Variants in MTHFD2L observed in about 807,000 individuals in gnomAD.
MTHFD2L encodes bifunctional methylenetetrahydrofolate dehydrogenase/cyclohydrolase 2, mitochondrial.
Under a neutral mutation model 34.9 loss-of-function variants are expected in MTHFD2L, and 29 were observed. The observed-to-expected ratio is 0.83, with a 90% CI of 0.62 to 1.13. The LOEUF (loss-of-function observed/expected upper bound fraction) is 1.13, where lower values mean the gene tolerates loss of function less well. Ranked by LOEUF, MTHFD2L falls within the 50% of genes most tolerant of loss-of-function variation. The pLI is 0.00. For missense variants in MTHFD2L, 481 were observed against 446.5 expected (o/e 1.08, Z -0.70); for synonymous variants, 167 against 155.7 (o/e 1.07, Z -0.54).
chr4:74,299,723 G>T (rs1750056413), intron 7 of MTHFD2L, among the ~76,000 whole-genome samples: 2 of 152,104 alleles, frequency 1.3e-5, no homozygotes, highest in Admixed American at 1.3e-4. Context: ...TCTGCTTAGT[G>T]CCTAACCTGT....
rs115929021 is a variant in MTHFD2L at position 74,300,363 on chromosome 4, A to T, written c.932-1334A>T. On this transcript the variant is annotated intron_variant, in intron 7 of 7. Coordinates refer to ENST00000325278, the MANE Select transcript of MTHFD2L (RefSeq NM_001144978.3). ...ATTATTCCAATGTACTATTCACTTC[A>T]AATAAAGTAAAGGTAAATCCCACAA... Among the ~76,000 whole-genome samples, 1,439 of 152,060 alleles carry T rather than the reference A, an allele frequency of 9.5e-3. 27 individuals carry two copies. Among genetic ancestry groups the T allele is most frequent in the African/African-American group, 0.033 (1,363 of 41,518 alleles).
chr4:74,140,094 T>A (rs1055137417), intron 1 of MTHFD2L, among the ~76,000 whole-genome samples: 1 of 151,958 alleles, frequency 6.6e-6, no homozygotes, highest in African/African-American at 2.4e-5. Context: ...GGTGGGTGGA[T>A]GGATTGAGCT....
chr4:74,207,638 TG>T (rs1436234747), intron 5 of MTHFD2L, among the ~76,000 whole-genome samples: 1 of 152,204 alleles, frequency 6.6e-6, no homozygotes, highest in Non-Finnish European at 1.5e-5. Context: ...GCTGTGCTGC[TG>T]CAGCAACTTA....
intron 5 of MTHFD2L, among the ~76,000 whole-genome samples, chr4:74,203,682 A>C (rs1372417073): frequency 6.6e-6 from 1 of 152,148 alleles, no homozygotes; most frequent in Non-Finnish European, 1.5e-5. Context: ...TGTTGCAACA[A>C]TAGCACCAAG....
At chr4:74,281,611 T>A in intron 7 of MTHFD2L, 61 bp downstream of exon 7, 1 of 1,499,882 alleles carries the variant, frequency 6.7e-7, no homozygotes. Flanking sequence ...TTACGTATTT[T>A]AAAAATAGAG....
chr4:74,255,604 C>T (rs1425504145), intron 6 of MTHFD2L, among the ~76,000 whole-genome samples: 1 of 152,112 alleles, frequency 6.6e-6, no homozygotes, highest in African/African-American at 2.4e-5. Flanking sequence ...AGCTAGTGAG[C>T]ATAGTACCAA....
chr4:74,205,954 A>G (rs916066418), intron 5 of MTHFD2L, among the ~76,000 whole-genome samples: 2 of 152,130 alleles, frequency 1.3e-5, no homozygotes, highest in Non-Finnish European at 2.9e-5. Context: ...ACTCATGGCT[A>G]ATTGAGGTGA....
At chr4:74,227,809 T>C (rs1213146550) in intron 6 of MTHFD2L, among the ~76,000 whole-genome samples, 1 of 152,196 alleles carries the variant, frequency 6.6e-6, no homozygotes, top group Non-Finnish European at 1.5e-5. Context: ...AGACCTCATG[T>C]CTGCAGTTGT....
chr4:74,196,967 A>T (rs1170491436), intron 3 of MTHFD2L, among the ~76,000 whole-genome samples: 3 of 151,232 alleles, frequency 2.0e-5, no homozygotes, highest in Non-Finnish European at 4.4e-5. Flanking sequence ...AAAAAAACCC[A>T]TACAAAACAT....
chr4:74,137,668 C>T (rs565036207), intron 1 of MTHFD2L, among the ~76,000 whole-genome samples: 24 of 152,286 alleles, frequency 1.6e-4, no homozygotes, highest in African/African-American at 5.8e-4. Flanking sequence ...ATGTTTACTG[C>T]TGCATTATTC....
At chr4:74,286,296 T>C (rs370423355) in intron 7 of MTHFD2L, among the ~76,000 whole-genome samples, 1 of 152,318 alleles carries the variant, frequency 6.6e-6, no homozygotes, top group East Asian at 1.9e-4. Context: ...TTACTAATAA[T>C]CATGCAGCAA....
chr4:74,299,190 AATTTTGAAATAAATC>A (rs757561525), intron 7 of MTHFD2L, among the ~76,000 whole-genome samples: 68 of 152,066 alleles, frequency 4.5e-4, no homozygotes, highest in Non-Finnish European at 7.2e-4. Flanking sequence ...GCCACTTTTA[AATTTTGAAATAAATC>A]ATTTTGTTTT....
chr4:74,275,680 T>C (rs1259616829), intron 6 of MTHFD2L, among the ~76,000 whole-genome samples: 1 of 152,178 alleles, frequency 6.6e-6, no homozygotes, highest in African/African-American at 2.4e-5. Context: ...TTGATTTGCG[T>C]TTCTCTAATG....
chr4:74,192,127 A>G (rs1441396597), intron 3 of MTHFD2L, among the ~76,000 whole-genome samples: 1 of 152,124 alleles, frequency 6.6e-6, no homozygotes, highest in Non-Finnish European at 1.5e-5. Context: ...GGCGGTTAAA[A>G]AATATATATA....
At chr4:74,239,337 G>C (rs1467751200) in intron 6 of MTHFD2L, among the ~76,000 whole-genome samples, 1 of 152,112 alleles carries the variant, frequency 6.6e-6, no homozygotes, top group Non-Finnish European at 1.5e-5. Flanking sequence ...GCCTGTCGTA[G>C]TTTGGGGGGG....
intron 1 of MTHFD2L, among the ~76,000 whole-genome samples, chr4:74,164,447 T>G (rs1331036153): frequency 7.9e-5 from 12 of 152,218 alleles, no homozygotes; most frequent in Non-Finnish European, 1.6e-4. Context: ...GTTAGTTTAT[T>G]TTCTGGAAGT....
chr4:74,183,142 G>C (rs996584298), intron 3 of MTHFD2L: 4 of 151,762 alleles, frequency 2.6e-5, no homozygotes, highest in African/African-American at 9.7e-5. Flanking sequence ...ACATACAAAG[G>C]AACAAAGAGG....
rs760210588 is a variant in MTHFD2L at position 74,225,384 on chromosome 4, A to T, written c.795A>T (p.Ile265=). 6 of 1,612,608 alleles carry T rather than the reference A, an allele frequency of 3.7e-6. No individual in the cohort carries two copies. Among genetic ancestry groups the T allele is most frequent in the Non-Finnish European group, 8.5e-7 (1 of 1,178,902 alleles). ...ATACGCAGCTGGCAGATATTATCATAGTTGCTGCAGGTAAGTCCTTAGTGA... is the reference window on the plus strand; with the variant it reads ...ATACGCAGCTGGCAGATATTATCATTGTTGCTGCAGGTAAGTCCTTAGTGA... The part of the protein sequence containing the change: ...KIHTQLADII[I]VAAGIPKLIT... Residue 265 remains isoleucine, a synonymous_variant, in exon 6 of 8, where the codon ATA becomes ATT. Transcript: ENST00000325278.
Position 74,182,561 on chromosome 4 carries a change from C to A in MTHFD2L, c.451+7158C>A, listed in dbSNP as rs150239979. 1.0e-3 allele frequency among the ~76,000 whole-genome samples: 156 copies of A among 152,262 alleles called. 1 individual carries two copies. The East Asian group carries it at 0.011, about 10-fold the overall frequency. The stretch of plus-strand genomic sequence containing the variant: ...AGTTCTTTCTCCCTTTAGATCTTAG[C>A]GTAAATGTCACTGCTTTGGGGAAGC... On this transcript the variant is annotated intron_variant, in intron 3 of 7. Transcript: ENST00000325278.
Sources: gnomAD v4.1 joint callset for allele counts (sites outside exome capture counted in the v4.1 genomes callset) on GRCh38, gnomAD v4.1.1 for gene constraint, MANE v1.5 for transcripts, NCBI Gene and HGNC (gene_info 2026-07-23, HGNC 2026-07-21) for gene names.